The following TRMT1L variants were observed in gnomAD, a reference collection of about 807,000 sequenced individuals.
The protein encoded by TRMT1L is tRNA (guanine(27)-N(2))-dimethyltransferase.
TRMT1L carries 28 observed loss-of-function variants against 81.6 expected under a neutral mutation model. The observed-to-expected ratio is 0.34, with a 90% confidence interval of 0.25 to 0.47. TRMT1L has a LOEUF of 0.47. TRMT1L is among the 20% of genes least tolerant of loss of function. The pLI, the probability that TRMT1L is intolerant of heterozygous loss-of-function variation, is 1.00. For synonymous variants in TRMT1L, 301 were observed against 303.2 expected (o/e 0.99, Z 0.07); for missense variants, 739 against 877.1 (o/e 0.84, Z 1.99).
chr1:185,149,021 GTTTCT>G (rs1476431927), intron 3 of TRMT1L, among the ~76,000 whole-genome samples: 3 of 152,056 alleles, frequency 2.0e-5, no homozygotes, highest in African/African-American at 7.2e-5. Flanking sequence ...TGATACTTAG[GTTTCT>G]TTTGAGGGTG....
intron 1 of TRMT1L, among the ~76,000 whole-genome samples, chr1:185,155,730 T>TA (rs1248702067): frequency 6.6e-6 from 1 of 152,256 alleles, no homozygotes; most frequent in Non-Finnish European, 1.5e-5. Context: ...AAGAAAGTGT[T>TA]ACTCATCAGT....
chr1:185,149,053 C>A (rs983732439), intron 3 of TRMT1L, among the ~76,000 whole-genome samples: 2 of 151,988 alleles, frequency 1.3e-5, no homozygotes, highest in Non-Finnish European at 2.9e-5. Flanking sequence ...TTTGTTTTAT[C>A]CAAATGGAAT....
Position 185,124,502 on chromosome 1 carries a change from C to T in TRMT1L, c.1759+442G>A, listed in dbSNP as rs556489073. On this transcript the variant is annotated intron_variant, in intron 12 of 14. Transcript: ENST00000367506. The stretch of plus-strand genomic sequence containing the variant: ...TGCTTGAGCCCAGGAGTTTGAAATC[C>T]GCCTGGACAATATGGTGAGACCCCA... Among the ~76,000 whole-genome samples the T allele has an allele frequency of 7.9e-5, 12 of 151,664 alleles. No individual in the cohort carries two copies. The South Asian group carries it at 1.9e-3, about 24-fold the overall frequency.
chr1:185,152,522 T>C (rs2102260966), intron 1 of TRMT1L, among the ~76,000 whole-genome samples: 1 of 152,358 alleles, frequency 6.6e-6, no homozygotes, highest in Admixed American at 6.5e-5. Flanking sequence ...AACTTTATTC[T>C]TCAAATAATG....
intron 4 of TRMT1L, 39 bp downstream of exon 4, chr1:185,147,143 G>T: frequency 7.1e-7 from 1 of 1,406,500 alleles, no homozygotes; most frequent in Non-Finnish European, 9.9e-7. Context: ...CTTTAAAAAG[G>T]ACTAAATTTA....
chr1:185,141,128 G>C (rs1430085460), intron 7 of TRMT1L, among the ~76,000 whole-genome samples: 1 of 152,142 alleles, frequency 6.6e-6, no homozygotes, highest in Non-Finnish European at 1.5e-5. Flanking sequence ...CACAAGCCCA[G>C]CCAACATAGA....
At chr1:185,129,985 C>G (rs1557985867) in intron 10 of TRMT1L, among the ~76,000 whole-genome samples, 1 of 152,216 alleles carries the variant, frequency 6.6e-6, no homozygotes, top group Non-Finnish European at 1.5e-5. Context: ...GTTCTGTCAG[C>G]TACACCCACT....
chr1:185,123,053 A>C (rs1156675075), intron 13 of TRMT1L, among the ~76,000 whole-genome samples: 1 of 152,230 alleles, frequency 6.6e-6, no homozygotes, highest in African/African-American at 2.4e-5. Flanking sequence ...ATTAGGTAGA[A>C]TGTATCAATT....
At chr1:185,124,834 A>C in intron 12 of TRMT1L, 110 bp downstream of exon 12, 1 of 1,054,988 alleles carries the variant, frequency 9.5e-7, no homozygotes, top group Non-Finnish European at 1.3e-6. Context: ...TACTAAAAAC[A>C]CACTATTTAT....
intron 12 of TRMT1L, among the ~76,000 whole-genome samples, chr1:185,124,549 G>A (rs1270117535): frequency 1.3e-5 from 2 of 151,826 alleles, no homozygotes; most frequent in Non-Finnish European, 2.9e-5. Flanking sequence ...TATTAGCCAG[G>A]TGTGGTGTGC....
At chr1:185,141,044 C>A (rs1653027709) in intron 7 of TRMT1L, among the ~76,000 whole-genome samples, 1 of 151,636 alleles carries the variant, frequency 6.6e-6, no homozygotes, top group Admixed American at 6.6e-5. Context: ...CCAAAAGGGC[C>A]CCTTTTCACA....
chr1:185,124,610 G>C (rs572022196), intron 12 of TRMT1L, among the ~76,000 whole-genome samples: 1 of 151,864 alleles, frequency 6.6e-6, no homozygotes, highest in Non-Finnish European at 1.5e-5. Context: ...CAAGAGGACT[G>C]CCTGAGTCTA....
At chr1:185,124,323 T>A (rs1652568748) in intron 12 of TRMT1L, among the ~76,000 whole-genome samples, 1 of 151,542 alleles carries the variant, frequency 6.6e-6, no homozygotes, top group South Asian at 2.1e-4. Flanking sequence ...GTAATAAAAA[T>A]CACAAAGGAC....
intron 2 of TRMT1L, among the ~76,000 whole-genome samples, chr1:185,151,036 T>C (rs1035670247): frequency 2.6e-5 from 4 of 152,210 alleles, no homozygotes; most frequent in Non-Finnish European, 5.9e-5. Flanking sequence ...ACCGTATCCA[T>C]TACTGAATTT....
intron 12 of TRMT1L, among the ~76,000 whole-genome samples, chr1:185,124,588 T>A (rs113613102): frequency 7.9e-5 from 12 of 151,440 alleles, no homozygotes; most frequent in African/African-American, 2.9e-4. Context: ...ACACAGGAGG[T>A]TGAGGCTGAG....
At chr1:185,127,759 CAAAAAAAAAA>C (rs986438990) in intron 11 of TRMT1L, among the ~76,000 whole-genome samples, 1 of 36,430 alleles carries the variant, frequency 2.7e-5, no homozygotes, top group Non-Finnish European at 6.0e-5. Flanking sequence ...AACTCTGTCT[CAAAAAAAAAA>C]AAAAAAAAAA....
intron 1 of TRMT1L, 65 bp downstream of exon 1, chr1:185,156,413 C>G: frequency 6.2e-7 from 1 of 1,612,862 alleles, no homozygotes; most frequent in Non-Finnish European, 8.5e-7. Context: ...AGGGCCTCCC[C>G]TACTTCCCAG....
chr1:185,147,359 T>C, intron 3 of TRMT1L, 113 bp from the exon 4 acceptor site: 1 of 726,514 alleles, frequency 1.4e-6, no homozygotes, highest in South Asian at 1.8e-5. Context: ...ATTTGTAATG[T>C]CATAATTACT....
intron 10 of TRMT1L, among the ~76,000 whole-genome samples, chr1:185,135,503 G>T (rs914530903): frequency 6.6e-6 from 1 of 151,610 alleles, no homozygotes; most frequent in Non-Finnish European, 1.5e-5. Flanking sequence ...TGGAAGAAAG[G>T]ATAAATAAAT....
Sources: gnomAD v4.1 joint callset for allele counts (sites outside exome capture counted in the v4.1 genomes callset) on GRCh38, gnomAD v4.1.1 for gene constraint, MANE v1.5 for transcripts, NCBI Gene and HGNC (gene_info 2026-07-23, HGNC 2026-07-21) for gene names.